Variants in SYNE2 observed in about 807,000 individuals in gnomAD.
The protein encoded by SYNE2 is spectrin repeat containing nuclear envelope protein 2, also known as nesprin-2.
Under a neutral mutation model 856.3 loss-of-function variants are expected in SYNE2, and 431 were observed. The ratio of observed to expected loss-of-function variants is 0.50; its 90% CI spans 0.47 to 0.55. The LOEUF (loss-of-function observed/expected upper bound fraction) is 0.55. Ranked by LOEUF, SYNE2 falls within the 20% of genes least tolerant of loss-of-function variation. The pLI, the probability that SYNE2 is intolerant of heterozygous loss-of-function variation, is 0.00. For synonymous variants in SYNE2, 2,923 were observed against 2,872.3 expected (o/e 1.02, Z -0.56); for missense variants, 8,129 against 8,023.2 (o/e 1.01, Z -0.50).
intron 58 of SYNE2, among the ~76,000 whole-genome samples, chr14:64,088,846 T>G (rs2097583367): frequency 6.6e-6 from 1 of 152,232 alleles, no homozygotes; most frequent in Admixed American, 6.5e-5. Context: ...CAGGGAATAG[T>G]AAGTGTTAAA....
At chr14:63,878,467 T>C (rs2094779470) in intron 1 of SYNE2, among the ~76,000 whole-genome samples, 1 of 152,244 alleles carries the variant, frequency 6.6e-6, no homozygotes, top group Non-Finnish European at 1.5e-5. Context: ...GACAATCATT[T>C]GCTGACAGGC....
At chr14:63,945,458 T>C (rs1255858) in intron 6 of SYNE2, among the ~76,000 whole-genome samples, 71,891 of 152,014 alleles carry the variant, frequency 0.47, 18,319 homozygotes, top group South Asian at 0.56. Context: ...TTTTATATCA[T>C]GTCTGTGAGA....
intron 1 of SYNE2, among the ~76,000 whole-genome samples, chr14:63,832,024 T>G (rs1057204047): frequency 2.5e-4 from 38 of 152,282 alleles, no homozygotes; most frequent in African/African-American, 7.9e-4. Context: ...CAAAAAATTA[T>G]TATTTTGATT....
At position 63,983,777 on chromosome 14, in the gene SYNE2, C is replaced by G; in HGVS notation, c.2042C>G (p.Pro681Arg). 1 of 1,612,782 alleles carries G rather than the reference C, an allele frequency of 6.2e-7. No homozygotes were observed. Among genetic ancestry groups the G allele is most frequent in the East Asian group, 2.2e-5 (1 of 44,752 alleles). ...CTGATGATAAAAAAACAGGATCAGCCCACTTTTGACAATTCTGGAAATATT... is the reference window on the plus strand; with the variant it reads ...CTGATGATAAAAAAACAGGATCAGCGCACTTTTGACAATTCTGGAAATATT... ...LPLMIKKQDQ[P>R]TFDNSGNILS... Residue 681 changes from proline (P) to arginine (R), a missense_variant, in exon 18 of 116, where the codon CCC (proline) becomes CGC (arginine). Physicochemically the swap from Pro to Arg is moderately radical, Grantham distance 103. Around this residue, in one of 3 missense-constraint regions of SYNE2, gnomAD observed 2,422 missense variants for 2,357.4 expected, o/e 1.03. Coordinates refer to ENST00000555002, the MANE Select transcript of SYNE2 (RefSeq NM_182914.3).
At position 64,001,988 on chromosome 14, in the gene SYNE2, A is replaced by G. The variant is rs1447144929; in HGVS notation, c.3693A>G (p.Ser1231=). ...LRLVLPVEKA[S]LLLCGSDLPL... is the part of the protein sequence containing the mutation. ...TTGTGTTACCTGTAGAGAAGGCATC[A>G]CTTCTTCTCTGTGGCTCGGACCTGC... Residue 1231 remains serine, a synonymous_variant, in exon 29 of 116, where the codon TCA becomes TCG. Coordinates refer to ENST00000555002, the MANE Select transcript of SYNE2 (RefSeq NM_182914.3). 3 of 1,613,288 alleles carry G rather than the reference A, an allele frequency of 1.9e-6. No individual in the cohort carries two copies. The highest frequency in any genetic ancestry group is 1.3e-5 in the African/African-American group (1 of 74,678).
In SYNE2 at chr14:64,159,468, G is replaced by T. The variant is rs762328400; in HGVS notation, c.16094+26G>T. Reference sequence around the variant, plus strand: ...GTATGCTTTCAGATATAATTTGAATGATAGATATCTTTATCTTAATGACTT... The same window carrying T: ...GTATGCTTTCAGATATAATTTGAATTATAGATATCTTTATCTTAATGACTT... On this transcript the variant is annotated intron_variant, in intron 87 of 115. Coordinates refer to ENST00000555002, the MANE Select transcript of SYNE2 (RefSeq NM_182914.3). 5 of 1,610,804 alleles carry T rather than the reference G, an allele frequency of 3.1e-6. No individual in the cohort carries two copies. The South Asian group carries it at 4.4e-5, about 14-fold the overall frequency.
Position 64,152,579 on chromosome 14 carries a change from C to T in SYNE2, c.15655C>T (p.Leu5219Phe), listed in dbSNP as rs1177213915. ...LLDCQDIENQ[L>F]AIKSKALDEL... Reference sequence around the variant, plus strand: ...ACTCTTCCAGGATATAGAAAATCAACTTGCAATTAAATCCAAAGCACTAGA... The same window carrying T: ...ACTCTTCCAGGATATAGAAAATCAATTTGCAATTAAATCCAAAGCACTAGA... The change falls in exon 85 of 116, where the codon CTT (leucine) becomes TTT (phenylalanine). Residue 5219 changes from leucine (L) to phenylalanine (F), a missense_variant. By Grantham distance (22) the Leu-to-Phe change is conservative. Around this residue, in one of 3 missense-constraint regions of SYNE2, gnomAD observed 5,410 missense variants for 5,284.8 expected, o/e 1.02. Coordinates refer to ENST00000555002, the MANE Select transcript of SYNE2 (RefSeq NM_182914.3). 3 of 1,613,980 alleles carry T rather than the reference C, an allele frequency of 1.9e-6. No homozygotes were observed. The highest frequency in any genetic ancestry group is 2.5e-6 in the Non-Finnish European group (3 of 1,179,968).
chr14:64,219,450 T>G, intron 110 of SYNE2, 40 bp downstream of exon 110: 2 of 1,599,690 alleles, frequency 1.3e-6, no homozygotes, highest in Non-Finnish European at 1.7e-6. Context: ...ATTCAGAATG[T>G]GCATGTGAAC....
intron 1 of SYNE2, among the ~76,000 whole-genome samples, chr14:63,878,420 G>A (rs563003377): frequency 6.6e-5 from 10 of 152,258 alleles, no homozygotes; most frequent in Non-Finnish European, 1.2e-4. Flanking sequence ...TAGAGAAGTC[G>A]GTTAATATCT....
intron 45 of SYNE2, among the ~76,000 whole-genome samples, chr14:64,038,031 C>A (rs1022782748): frequency 2.1e-5 from 3 of 142,444 alleles, no homozygotes; most frequent in Non-Finnish European, 4.8e-5. Flanking sequence ...CGGAGGGGCT[C>A]CTCACTTCTC....
At chr14:63,949,412 A>G (rs891170146) in intron 6 of SYNE2, among the ~76,000 whole-genome samples, 6 of 152,256 alleles carry the variant, frequency 3.9e-5, no homozygotes, top group South Asian at 2.1e-4. Flanking sequence ...GTGTTTGACT[A>G]TCTTTTTTTC....
chr14:63,923,694 T>C (rs979611745), intron 2 of SYNE2, among the ~76,000 whole-genome samples: 1 of 152,222 alleles, frequency 6.6e-6, no homozygotes, highest in Non-Finnish European at 1.5e-5. Context: ...TATTAAGATA[T>C]AATTTGACAT....
chr14:63,972,165 T>C (rs2096484409), intron 11 of SYNE2, among the ~76,000 whole-genome samples: 1 of 152,208 alleles, frequency 6.6e-6, no homozygotes, highest in Non-Finnish European at 1.5e-5. Flanking sequence ...TGTCAGTTTC[T>C]ATTCTGATCA....
At chr14:64,029,099 G>A (rs556127718) in intron 43 of SYNE2, among the ~76,000 whole-genome samples, 25 of 152,224 alleles carry the variant, frequency 1.6e-4, no homozygotes, top group Admixed American at 7.2e-4. Flanking sequence ...TTGCACCGCC[G>A]CACTCCAGCC....
At chr14:63,772,605 C>T (rs909263490) in intron 1 of SYNE2, among the ~76,000 whole-genome samples, 2 of 149,992 alleles carry the variant, frequency 1.3e-5, no homozygotes, top group Non-Finnish European at 3.0e-5. Flanking sequence ...TAGCTGAGTG[C>T]GGTGGTGTGC....
intron 96 of SYNE2, among the ~76,000 whole-genome samples, chr14:64,183,651 C>T (rs1309046905): frequency 3.9e-5 from 6 of 152,212 alleles, no homozygotes; most frequent in South Asian, 2.1e-4. Context: ...AACGAGACTC[C>T]GTCTGCAATC....
At chr14:63,934,305 A>C (rs901604233) in intron 2 of SYNE2, among the ~76,000 whole-genome samples, 1 of 151,892 alleles carries the variant, frequency 6.6e-6, no homozygotes, top group Admixed American at 6.6e-5. Flanking sequence ...ATTAGAGTTT[A>C]ATCAGATTAG....
At chr14:64,077,030 T>C (rs1218700352) in intron 54 of SYNE2, among the ~76,000 whole-genome samples, 1 of 152,178 alleles carries the variant, frequency 6.6e-6, no homozygotes, top group Admixed American at 6.5e-5. Context: ...AACTAAATGT[T>C]ATGCTCATGA....
At chr14:64,178,369 G>A (rs534968059) in intron 96 of SYNE2, among the ~76,000 whole-genome samples, 1 of 152,194 alleles carries the variant, frequency 6.6e-6, no homozygotes, top group Non-Finnish European at 1.5e-5. Flanking sequence ...CTTCTCCTTA[G>A]AGGTGTCAGT....
Sources: gnomAD v4.1 joint callset for allele counts (sites outside exome capture counted in the v4.1 genomes callset) on GRCh38, gnomAD v4.1.1 for gene constraint, gnomAD v4.1.1 regional missense constraint, MANE v1.5 for transcripts, NCBI Gene and HGNC (gene_info 2026-07-23, HGNC 2026-07-21) for gene names.